The following ZCCHC4 variants were observed in gnomAD, a reference collection of about 807,000 sequenced individuals.
ZCCHC4 encodes rRNA N(6)-adenosine-methyltransferase ZCCHC4.
A neutral mutation model predicts 67.7 loss-of-function variants in ZCCHC4; 54 were observed. That is an observed-to-expected ratio of 0.80 (90% confidence interval 0.64 to 1.00). The LOEUF is 1.00. ZCCHC4 is among the 50% of genes least tolerant of loss of function. The pLI, the probability that ZCCHC4 is intolerant of heterozygous loss-of-function variation, is 0.00. For synonymous variants in ZCCHC4, 198 were observed against 213.5 expected, an observed-to-expected ratio of 0.93 and a Z score of 0.63; for missense variants, 609 against 617.0, an observed-to-expected ratio of 0.99 and a Z score of 0.14.
At chr4:25,341,514 A>G (rs1333313503) in intron 5 of ZCCHC4, among the ~76,000 whole-genome samples, 4 of 152,242 alleles carry the variant, frequency 2.6e-5, no homozygotes, top group Non-Finnish European at 2.9e-5. Context: ...CCTTTCCACC[A>G]TAAGTAAAAA....
At chr4:25,334,547 G>A (rs1719356376) in intron 5 of ZCCHC4, among the ~76,000 whole-genome samples, 1 of 152,192 alleles carries the variant, frequency 6.6e-6, no homozygotes, top group Non-Finnish European at 1.5e-5. Context: ...GATGATTTCT[G>A]AGTTGATGAC....
At position 25,312,915 on chromosome 4, in the gene ZCCHC4, C is replaced by T. The variant is rs374429670; in HGVS notation, c.106C>T (p.Pro36Ser). Residue 36 changes from proline to serine, a missense_variant, in exon 1 of 13, where the codon CCC becomes TCC. Physicochemically the swap from Pro to Ser is moderately conservative, Grantham distance 74. Coordinates refer to ENST00000302874, the MANE Select transcript of ZCCHC4 (RefSeq NM_024936.3). ...EVVLPLDPAV[P>S]APLCPHGPTL... ...GGTGCTTCCTTTGGATCCTGCCGTC[C>T]CCGCCCCGCTGTGCCCTCACGGTGG... is the stretch of plus-strand genomic sequence containing the variant. 42 of 1,612,716 alleles carry T rather than the reference C, an allele frequency of 2.6e-5. No homozygotes were observed. Among genetic ancestry groups the T allele is most frequent in the Non-Finnish European group, 3.5e-5 (41 of 1,179,948 alleles).
chr4:25,332,051 T>A (rs533306049), intron 3 of ZCCHC4, among the ~76,000 whole-genome samples: 92 of 152,344 alleles, frequency 6.0e-4, no homozygotes, highest in African/African-American at 2.2e-3. Context: ...CTCATGCCTG[T>A]AATCCCAGCA....
At chr4:25,361,825 A>C (rs200808647) in intron 8 of ZCCHC4, 34 bp from the exon 9 acceptor site, 151 of 1,567,428 alleles carry the variant, frequency 9.6e-5, no homozygotes, top group Non-Finnish European at 1.2e-4. Context: ...AATTTGAGTA[A>C]ATTTTCTTTC....
intron 8 of ZCCHC4, among the ~76,000 whole-genome samples, chr4:25,356,114 T>C (rs1016272572): frequency 7.9e-5 from 12 of 152,348 alleles, no homozygotes; most frequent in Middle Eastern, 6.8e-3. Flanking sequence ...AATTAAAAAT[T>C]GGAAATTGCA....
intron 12 of ZCCHC4, among the ~76,000 whole-genome samples, chr4:25,367,389 T>A (rs952702644): frequency 3.9e-5 from 6 of 152,222 alleles, no homozygotes; most frequent in African/African-American, 1.2e-4. Flanking sequence ...TATTTTCAAA[T>A]ATTTTCCTCC....
At position 25,322,144 on chromosome 4, in the gene ZCCHC4, C is replaced by T. The variant is rs557904238; in HGVS notation, c.329+6744C>T. Among the ~76,000 whole-genome samples the T allele has an allele frequency of 3.4e-4, 52 of 152,300 alleles. 1 individual carries two copies. The East Asian group carries it at 8.1e-3, about 24-fold the overall frequency. Reference sequence around the variant, plus strand: ...AGTGGTTGGATTTTGCTTTGTGATGCAGGCTGACAGGCTCTCTTTTTATTT... The same window carrying T: ...AGTGGTTGGATTTTGCTTTGTGATGTAGGCTGACAGGCTCTCTTTTTATTT... On this transcript the variant is annotated intron_variant, in intron 3 of 12. Transcript: ENST00000302874.
chr4:25,326,770 A>C (rs1177932349), intron 3 of ZCCHC4, among the ~76,000 whole-genome samples: 1 of 152,082 alleles, frequency 6.6e-6, no homozygotes, highest in Non-Finnish European at 1.5e-5. Flanking sequence ...GATTTTATAG[A>C]TACATTTGGG....
In ZCCHC4 at chr4:25,349,525, G is replaced by C. The variant is rs776318538; in HGVS notation, c.793G>C (p.Glu265Gln). ...TGAAGTATGCAGAGCATTTTTACAG[G>C]AAGATAAAGGCGAAGGAATCATTAT... ...ALEVCRAFLQ[E>Q]DKGEGIIMVT... is the part of the protein sequence containing the mutation. Residue 265 changes from glutamate to glutamine, a missense_variant, in exon 7 of 13, where the codon GAA (glutamate) becomes CAA (glutamine). Transcript: ENST00000302874. The C allele has an allele frequency of 6.2e-7, 1 of 1,613,818 alleles. No homozygotes were observed. Among genetic ancestry groups the C allele is most frequent in the Non-Finnish European group, 8.5e-7 (1 of 1,179,906 alleles).
intron 8 of ZCCHC4, among the ~76,000 whole-genome samples, chr4:25,355,867 A>G (rs1412351659): frequency 6.6e-6 from 1 of 152,224 alleles, no homozygotes; most frequent in Non-Finnish European, 1.5e-5. Context: ...CTGCTGTGGT[A>G]GAAGCTGGTT....
intron 3 of ZCCHC4, among the ~76,000 whole-genome samples, chr4:25,316,851 T>C (rs1718291330): frequency 6.6e-6 from 1 of 152,262 alleles, no homozygotes; most frequent in African/African-American, 2.4e-5. Context: ...TTGTTGCTTG[T>C]GCTTTCGGTG....
chr4:25,313,942 C>T (rs1338807233), intron 1 of ZCCHC4, 104 bp from the exon 2 acceptor site: 1 of 695,874 alleles, frequency 1.4e-6, no homozygotes, highest in Non-Finnish European at 2.5e-6. Flanking sequence ...ATAAATTGTG[C>T]CTAAAGCTCA....
At chr4:25,336,851 C>G (rs548670928) in intron 5 of ZCCHC4, among the ~76,000 whole-genome samples, 3 of 152,116 alleles carry the variant, frequency 2.0e-5, no homozygotes, top group African/African-American at 7.2e-5. Flanking sequence ...CTCACATTAG[C>G]CCTGTAAGAT....
chr4:25,367,113 G>T (rs572712011), intron 12 of ZCCHC4, among the ~76,000 whole-genome samples: 1 of 152,026 alleles, frequency 6.6e-6, no homozygotes, highest in African/African-American at 2.4e-5. Flanking sequence ...GACATAAAAG[G>T]TCTTTCCAGC....
At chr4:25,326,024 A>G (rs951029202) in intron 3 of ZCCHC4, among the ~76,000 whole-genome samples, 6 of 152,234 alleles carry the variant, frequency 3.9e-5, no homozygotes, top group African/African-American at 1.4e-4. Flanking sequence ...TGCTGGAGCA[A>G]CTTACCACAA....
At chr4:25,339,954 C>A (rs1213500961) in intron 5 of ZCCHC4, among the ~76,000 whole-genome samples, 1 of 151,784 alleles carries the variant, frequency 6.6e-6, no homozygotes, top group Admixed American at 6.6e-5. Flanking sequence ...CTGCAACCTC[C>A]GCCTCCCAGC....
chr4:25,350,792 A>G (rs953122076), intron 7 of ZCCHC4, among the ~76,000 whole-genome samples: 9 of 152,180 alleles, frequency 5.9e-5, no homozygotes, highest in African/African-American at 1.9e-4. Flanking sequence ...GATAAAGTCA[A>G]TGTCATTGGG....
chr4:25,325,561 CT>C (rs1718838696), intron 3 of ZCCHC4, among the ~76,000 whole-genome samples: 1 of 152,080 alleles, frequency 6.6e-6, no homozygotes, highest in Non-Finnish European at 1.5e-5. Context: ...ACTGTGCTGT[CT>C]TTTCACTTTC....
intron 10 of ZCCHC4, among the ~76,000 whole-genome samples, chr4:25,363,297 C>G (rs1444378475): frequency 6.6e-6 from 1 of 152,150 alleles, no homozygotes; most frequent in Non-Finnish European, 1.5e-5. Flanking sequence ...TGGCTTCTTT[C>G]ACTTAGTAAT....
Sources: allele counts gnomAD v4.1 joint callset (sites outside exome capture counted in the v4.1 genomes callset), GRCh38; gene constraint gnomAD v4.1.1; transcripts MANE v1.5; gene names NCBI Gene and HGNC (gene_info 2026-07-23, HGNC 2026-07-21).